Variants in NALCN observed in about 807,000 individuals in gnomAD.
NALCN encodes sodium leak channel NALCN.
NALCN carries 111 observed loss-of-function variants against 225.3 expected under a neutral mutation model. The ratio of observed to expected loss-of-function variants is 0.49; its 90% CI spans 0.42 to 0.58. The LOEUF (loss-of-function observed/expected upper bound fraction) is 0.58. NALCN is among the 20% of genes least tolerant of loss of function. The probability of loss-of-function intolerance (pLI) is 0.00; values close to 1 mark genes in which losing one functional copy is unlikely to be tolerated. For missense variants in NALCN, 1,378 were observed against 2,202.4 expected (o/e 0.63, Z 7.49); for synonymous variants, 764 against 769.0 (o/e 0.99, Z 0.11).
At chr13:101,266,175 C>T (rs1380396453) in intron 10 of NALCN, among the ~76,000 whole-genome samples, 4 of 152,040 alleles carry the variant, frequency 2.6e-5, no homozygotes, top group Non-Finnish European at 4.4e-5. Context: ...CAGTGGACAC[C>T]GTGTGCTCTG....
intron 16 of NALCN, 53 bp downstream of exon 16, chr13:101,144,707 A>G (rs2037258373): frequency 6.4e-7 from 1 of 1,562,708 alleles, no homozygotes; most frequent in Non-Finnish European, 8.7e-7. Context: ...ATTTAAGATG[A>G]TGAATCTTTT....
chr13:101,073,395 TTGAG>T (rs2033032710), intron 37 of NALCN, among the ~76,000 whole-genome samples, 185 bp downstream of exon 37: 1 of 152,330 alleles, frequency 6.6e-6, no homozygotes, highest in African/African-American at 2.4e-5. Flanking sequence ...GTTGGGTTAA[TTGAG>T]TATTTTGCCC....
intron 14 of NALCN, among the ~76,000 whole-genome samples, chr13:101,180,204 C>CTTCTT (rs2039140162): frequency 9.1e-6 from 1 of 109,950 alleles, no homozygotes; most frequent in Non-Finnish European, 1.9e-5. Flanking sequence ...TCCACCTGGT[C>CTTCTT]TTTTTTTTTT....
At chr13:101,257,145 G>C (rs1169710120) in intron 11 of NALCN, among the ~76,000 whole-genome samples, 1 of 150,606 alleles carries the variant, frequency 6.6e-6, no homozygotes, top group African/African-American at 2.4e-5. Flanking sequence ...GGCTGGGCTG[G>C]ATATAATTTC....
intron 3 of NALCN, among the ~76,000 whole-genome samples, chr13:101,388,964 C>T (rs1232817280): frequency 6.6e-6 from 1 of 152,114 alleles, no homozygotes; most frequent in Admixed American, 6.5e-5. Flanking sequence ...CGGGCAACTA[C>T]ACAGAATGTG....
At chr13:101,090,872 T>A (rs1344012082) in intron 28 of NALCN, among the ~76,000 whole-genome samples, 1 of 152,130 alleles carries the variant, frequency 6.6e-6, no homozygotes, top group African/African-American at 2.4e-5. Flanking sequence ...CCTTCCTTCC[T>A]CCTCCCATTT....
chr13:101,074,374 C>T (rs1241598238), intron 36 of NALCN, 140 bp downstream of exon 36: 11 of 688,962 alleles, frequency 1.6e-5, no homozygotes, highest in Non-Finnish European at 2.3e-5. Context: ...TAAAACTTGG[C>T]TATTTTATTT....
chr13:101,261,659 C>A (rs1458757815), intron 10 of NALCN, among the ~76,000 whole-genome samples: 1 of 152,074 alleles, frequency 6.6e-6, no homozygotes, highest in African/African-American at 2.4e-5. Flanking sequence ...TTGCTGTTGG[C>A]TTATAGAAAT....
At chr13:101,255,615 T>C (rs1285092325) in intron 11 of NALCN, among the ~76,000 whole-genome samples, 1 of 152,248 alleles carries the variant, frequency 6.6e-6, no homozygotes, top group Non-Finnish European at 1.5e-5. Context: ...CTTTACCTAC[T>C]GATGCTATTA....
intron 9 of NALCN, among the ~76,000 whole-genome samples, chr13:101,288,859 T>A (rs2043439652): frequency 6.6e-6 from 1 of 152,208 alleles, no homozygotes; most frequent in Non-Finnish European, 1.5e-5. Context: ...TTCTTTGAGT[T>A]CTACTCAAGG....
intron 14 of NALCN, among the ~76,000 whole-genome samples, chr13:101,185,949 A>G (rs2139982718): frequency 6.6e-6 from 1 of 152,332 alleles, no homozygotes; most frequent in Admixed American, 6.5e-5. Flanking sequence ...ATTTTGTAAA[A>G]GGAAACATAC....
At chr13:101,127,702 A>G (rs2036303108) in intron 17 of NALCN, among the ~76,000 whole-genome samples, 1 of 152,114 alleles carries the variant, frequency 6.6e-6, no homozygotes, top group Admixed American at 6.5e-5. Context: ...ACACACATAT[A>G]TATGTCTTCT....
chr13:101,201,106 G>T (rs2040102717), intron 13 of NALCN, among the ~76,000 whole-genome samples: 1 of 152,112 alleles, frequency 6.6e-6, no homozygotes, highest in Admixed American at 6.6e-5. Context: ...TAACTCTAAG[G>T]ACTAGAATGG....
intron 15 of NALCN, among the ~76,000 whole-genome samples, chr13:101,174,011 G>A (rs183807856): frequency 3.6e-4 from 54 of 151,880 alleles, no homozygotes; most frequent in African/African-American, 1.1e-3. Flanking sequence ...GAAAAATCAG[G>A]GGCATAAAAA....
In NALCN at chr13:101,081,045, T is replaced by C. The variant is rs889621557; in HGVS notation, c.3885+482A>G. 2.6e-5 allele frequency among the ~76,000 whole-genome samples: 4 copies of C among 152,102 alleles called. No individual in the cohort carries two copies. In the East Asian group the frequency reaches 5.8e-4, roughly 22 times the overall value. On this transcript the variant is annotated intron_variant, in intron 34 of 43. Transcript: ENST00000251127. ...AGAGAAGTGGAGGCTAAATGTCTTATAGAAAATGAAACAGTGGAAGCACTT... is the reference window on the plus strand; with the variant it reads ...AGAGAAGTGGAGGCTAAATGTCTTACAGAAAATGAAACAGTGGAAGCACTT...
At chr13:101,062,353 G>A (rs888638211) in intron 40 of NALCN, among the ~76,000 whole-genome samples, 2 of 152,130 alleles carry the variant, frequency 1.3e-5, no homozygotes, top group Non-Finnish European at 2.9e-5. Context: ...TAATGACTAA[G>A]TGAGTTAATA....
intron 15 of NALCN, among the ~76,000 whole-genome samples, chr13:101,145,729 T>C (rs1302194316): frequency 6.6e-6 from 1 of 152,160 alleles, no homozygotes; most frequent in East Asian, 1.9e-4. Flanking sequence ...ACCTCTCCCC[T>C]TCTCCAGGAC....
At chr13:101,114,516 G>A (rs1293528567) in intron 18 of NALCN, among the ~76,000 whole-genome samples, 1 of 151,896 alleles carries the variant, frequency 6.6e-6, no homozygotes, top group Non-Finnish European at 1.5e-5. Flanking sequence ...ATTGTGAGGT[G>A]CTCTACGGAG....
At chr13:101,196,148 G>A (rs886172942) in intron 13 of NALCN, among the ~76,000 whole-genome samples, 7 of 151,814 alleles carry the variant, frequency 4.6e-5, no homozygotes, top group East Asian at 1.9e-4. Context: ...TTTAACTCAC[G>A]TTATTTGAGC....
Sources: allele counts gnomAD v4.1 joint callset (sites outside exome capture counted in the v4.1 genomes callset), GRCh38; gene constraint gnomAD v4.1.1; transcripts MANE v1.5; gene names NCBI Gene and HGNC (gene_info 2026-07-23, HGNC 2026-07-21).